Variants in SSBP1 observed in about 807,000 individuals in gnomAD.
The protein encoded by SSBP1 is single-stranded DNA-binding protein, mitochondrial.
A neutral mutation model predicts 27.0 loss-of-function variants in SSBP1; 20 were observed. The ratio of observed to expected loss-of-function variants is 0.74; its 90% CI spans 0.52 to 1.08. The LOEUF (loss-of-function observed/expected upper bound fraction) is 1.08. Among genes scored for constraint, SSBP1 ranks in the 50% least tolerant of loss-of-function variants. The pLI, the probability that SSBP1 is intolerant of heterozygous loss-of-function variation, is 0.00. For missense variants in SSBP1, 137 were observed against 182.4 expected (o/e 0.75, Z 1.44); for synonymous variants, 59 against 59.3 (o/e 1.00, Z 0.02).
chr7:141,743,339 G>T (rs185187576), intron 3 of SSBP1, among the ~76,000 whole-genome samples: 14 of 152,212 alleles, frequency 9.2e-5, no homozygotes, highest in African/African-American at 3.1e-4. Flanking sequence ...CCTTCTCACC[G>T]TGTCTTCATA....
chr7:141,743,046 G>C (rs1308161071), intron 3 of SSBP1, among the ~76,000 whole-genome samples: 1 of 152,166 alleles, frequency 6.6e-6, no homozygotes, highest in Non-Finnish European at 1.5e-5. Flanking sequence ...GTAGAGATGG[G>C]GTTTCACCGT....
At chr7:141,744,912 C>G (rs2117183120) in intron 5 of SSBP1, among the ~76,000 whole-genome samples, 1 of 152,114 alleles carries the variant, frequency 6.6e-6, no homozygotes, top group South Asian at 2.1e-4. Context: ...TCTTTCCACT[C>G]TTGAAAATCA....
At chr7:141,741,890 C>A in intron 2 of SSBP1, 1 of 807,832 alleles carries the variant, frequency 1.2e-6, no homozygotes, top group Non-Finnish European at 1.6e-6. Context: ...GTGCCATAAT[C>A]AAGGAGATGT....
chr7:141,750,016 G>T (rs1327735572), intron 6 of SSBP1, among the ~76,000 whole-genome samples: 3 of 152,096 alleles, frequency 2.0e-5, no homozygotes, highest in Non-Finnish European at 4.4e-5. Context: ...ATCCAATTTT[G>T]TGACCAGTTC....
chr7:141,744,360 T>G (rs1268274143), intron 5 of SSBP1, among the ~76,000 whole-genome samples: 1 of 152,208 alleles, frequency 6.6e-6, no homozygotes, highest in Admixed American at 6.5e-5. Flanking sequence ...TGAGGGTGGC[T>G]TCTTGCCTGT....
chr7:141,747,182 T>C (rs1249921495), intron 6 of SSBP1, among the ~76,000 whole-genome samples: 1 of 152,158 alleles, frequency 6.6e-6, no homozygotes, highest in South Asian at 2.1e-4. Context: ...ATTGGAAATA[T>C]GTCTTTAAAT....
chr7:141,743,863 G>A (rs186344144), intron 4 of SSBP1, 39 bp from the exon 5 acceptor site: 3 of 1,589,328 alleles, frequency 1.9e-6, no homozygotes, highest in Admixed American at 1.7e-5. Flanking sequence ...CATGTTGTCT[G>A]TTGGCATTTG....
intron 2 of SSBP1, chr7:141,741,843 A>C (rs2117166357): frequency 9.8e-7 from 1 of 1,015,600 alleles, no homozygotes; most frequent in South Asian, 4.5e-5. Flanking sequence ...TTAAAGTGAT[A>C]CTATTTTGAT....
intron 3 of SSBP1, among the ~76,000 whole-genome samples, chr7:141,742,948 G>A (rs1317675405): frequency 1.3e-5 from 2 of 152,068 alleles, no homozygotes; most frequent in East Asian, 1.9e-4. Flanking sequence ...TCTGCCTCCC[G>A]GGTTCATGCC....
At chr7:141,742,318 A>AC in intron 3 of SSBP1, 89 bp downstream of exon 3, 1 of 962,812 alleles carries the variant, frequency 1.0e-6, no homozygotes, top group African/African-American at 1.6e-5. Flanking sequence ...TGCTTGGGTT[A>AC]ACCATGTTGC....
At chr7:141,745,444 T>C in intron 5 of SSBP1, 52 bp from the exon 6 acceptor site, 1 of 1,491,726 alleles carries the variant, frequency 6.7e-7, no homozygotes, top group Admixed American at 2.0e-5. Context: ...ACCTGACTCT[T>C]ATAAAGCATA....
rs1295747049 is a variant in SSBP1 at position 141,742,199 on chromosome 7, G to C, written c.55G>C (p.Glu19Gln). ...TCGTCAGTTTGTAAGACATGAGTCCGAAACAACTACCAGTTTGGTTCTTGA... is the reference window on the plus strand; with the variant it reads ...TCGTCAGTTTGTAAGACATGAGTCCCAAACAACTACCAGTTTGGTTCTTGA... ...VLRQFVRHESETTTSLVLERS... is the reference protein window; with the variant it reads ...VLRQFVRHESQTTTSLVLERS... The change falls in exon 3 of 7, where the codon GAA (glutamate) becomes CAA (glutamine). Residue 19 changes from glutamate to glutamine, a missense_variant. Around this residue, in one of 2 missense-constraint regions of SSBP1, gnomAD observed 42 missense variants for 30.4 expected, o/e 1.38. Coordinates refer to ENST00000265304, the MANE Select transcript of SSBP1 (RefSeq NM_003143.3). 1.9e-6 allele frequency: 3 copies of C among 1,602,726 alleles called. No individual in the cohort carries two copies. Among genetic ancestry groups the C allele is most frequent in the African/African-American group, 1.3e-5 (1 of 74,836 alleles).
intron 6 of SSBP1, among the ~76,000 whole-genome samples, chr7:141,748,017 A>AAAAT (rs1223966676): frequency 4.3e-5 from 6 of 140,026 alleles, no homozygotes; most frequent in African/African-American, 1.6e-4. Flanking sequence ...AAAAAAAAAA[A>AAAAT]TTTTTTTTTT....
chr7:141,747,493 G>T (rs1009468929), intron 6 of SSBP1, among the ~76,000 whole-genome samples: 7 of 148,506 alleles, frequency 4.7e-5, no homozygotes, highest in Non-Finnish European at 1.0e-4. Context: ...GGGTTCAAGC[G>T]ATTCTCCTGC....
chr7:141,743,449 CA>C, intron 3 of SSBP1, 111 bp from the exon 4 acceptor site: 1 of 1,295,204 alleles, frequency 7.7e-7, no homozygotes, highest in Non-Finnish European at 1.1e-6. Context: ...ATCCCACTTC[CA>C]AATACCATTA....
intron 2 of SSBP1, chr7:141,741,758 G>A: frequency 1.0e-6 from 1 of 994,248 alleles, no homozygotes; most frequent in Non-Finnish European, 1.2e-6. Context: ...GCTAATGAAA[G>A]CTGGATTTTG....
In SSBP1 at chr7:141,750,314, A is replaced by G. The variant is rs1330993671; in HGVS notation, c.407A>G (p.Asn136Ser). Reference protein sequence around the residue: ...RRQATTIIADNIIFLSDQTKE... With the variant: ...RRQATTIIADSIIFLSDQTKE... ...TTACATTTTGGCTTTTTTACAGATA[A>G]TATTATATTTCTGAGTGACCAGACG... Residue 136 changes from asparagine (N) to serine (S), a missense_variant, in exon 7 of 7, where the codon AAT (asparagine) becomes AGT (serine). By Grantham distance (46) the Asn-to-Ser change is conservative. Around this residue, in one of 2 missense-constraint regions of SSBP1, gnomAD observed 95 missense variants for 152.0 expected, o/e 0.62. Transcript: ENST00000265304. The G allele has an allele frequency of 1.3e-6, 2 of 1,595,402 alleles. No individual in the cohort carries two copies. The highest frequency in any genetic ancestry group is 1.7e-6 in the Non-Finnish European group (2 of 1,173,452).
chr7:141,739,914 A>T (rs887820760), intron 2 of SSBP1: 3 of 152,206 alleles, frequency 2.0e-5, no homozygotes, highest in Admixed American at 1.3e-4. Context: ...TTCTGTATTG[A>T]AATGTGAAAC....
At chr7:141,748,785 C>A (rs187564780) in intron 6 of SSBP1, among the ~76,000 whole-genome samples, 1 of 152,200 alleles carries the variant, frequency 6.6e-6, no homozygotes, top group Admixed American at 6.5e-5. Context: ...ATTGGTTGAT[C>A]TGTTTTATTG....
Sources: gnomAD v4.1 joint callset for allele counts (sites outside exome capture counted in the v4.1 genomes callset) on GRCh38, gnomAD v4.1.1 for gene constraint, gnomAD v4.1.1 regional missense constraint, MANE v1.5 for transcripts, NCBI Gene and HGNC (gene_info 2026-07-23, HGNC 2026-07-21) for gene names.